The following CCNY variants were observed in gnomAD, a reference collection of about 807,000 sequenced individuals.
CCNY encodes the protein cyclin-Y.
Under a neutral mutation model 42.8 loss-of-function variants are expected in CCNY, and 19 were observed. The observed-to-expected ratio is 0.44, with a 90% CI of 0.31 to 0.65. The LOEUF is 0.65. CCNY is among the 30% of genes least tolerant of loss of function. The pLI, the probability that CCNY is intolerant of heterozygous loss-of-function variation, is 0.07. For missense variants in CCNY, 370 were observed against 437.3 expected (o/e 0.85, Z 1.37); for synonymous variants, 165 against 162.7 (o/e 1.01, Z -0.11).
chr10:35,297,399 T>C (rs1835483620), intron 3 of CCNY, among the ~76,000 whole-genome samples: 1 of 152,074 alleles, frequency 6.6e-6, no homozygotes, highest in Non-Finnish European at 1.5e-5. Context: ...GCCAACATCA[T>C]ACTGACTGGG....
At chr10:35,560,458 CAG>C (rs1327451760) in intron 8 of CCNY, among the ~76,000 whole-genome samples, 2 of 152,146 alleles carry the variant, frequency 1.3e-5, no homozygotes, top group African/African-American at 4.8e-5. Context: ...GATCAGAACA[CAG>C]GGAACAGACA....
intron 1 of CCNY, among the ~76,000 whole-genome samples, chr10:35,380,163 C>G (rs1837148718): frequency 6.6e-6 from 1 of 152,204 alleles, no homozygotes; most frequent in African/African-American, 2.4e-5. Context: ...AGGTACCAGT[C>G]TTAGATCCTC....
intron 1 of CCNY, among the ~76,000 whole-genome samples, chr10:35,388,699 C>G (rs1837347203): frequency 6.6e-6 from 1 of 152,230 alleles, no homozygotes; most frequent in Non-Finnish European, 1.5e-5. Context: ...TTGCTATGCA[C>G]TTTCTGGCTT....
intron 1 of CCNY, among the ~76,000 whole-genome samples, chr10:35,417,585 G>C (rs1180832080): frequency 6.6e-6 from 1 of 152,196 alleles, no homozygotes; most frequent in Non-Finnish European, 1.5e-5. Context: ...CTTAAGAGGT[G>C]TTTATAGACA....
chr10:35,358,421 T>C (rs1314345722), intron 1 of CCNY, among the ~76,000 whole-genome samples: 2 of 152,162 alleles, frequency 1.3e-5, no homozygotes, highest in Admixed American at 6.5e-5. Context: ...ATGTATCTGC[T>C]CTCAAGGATG....
chr10:35,409,219 C>G (rs2135243697), intron 1 of CCNY, among the ~76,000 whole-genome samples: 1 of 152,308 alleles, frequency 6.6e-6, no homozygotes, highest in East Asian at 1.9e-4. Flanking sequence ...CCTTACCAGG[C>G]AGGTCTCGCA....
chr10:35,429,227 T>C (rs560664276), intron 1 of CCNY, among the ~76,000 whole-genome samples: 1 of 152,340 alleles, frequency 6.6e-6, no homozygotes, highest in South Asian at 2.1e-4. Context: ...GGGAACCTAG[T>C]TGTTTTCTCT....
chr10:35,273,262 C>T (rs1835195034), intron 3 of CCNY, among the ~76,000 whole-genome samples: 1 of 151,758 alleles, frequency 6.6e-6, no homozygotes, highest in Non-Finnish European at 1.5e-5. Context: ...AGCGCAGTGG[C>T]ACAACCCTGA....
In CCNY at chr10:35,465,938, A is replaced by AGAGAGTGT; in HGVS notation, c.155-17465_155-17464insAGAGTGTG. Among the ~76,000 whole-genome samples the AGAGAGTGT allele has an allele frequency of 3.4e-3, 275 of 81,012 alleles. 2 individuals carry two copies. The highest frequency in any genetic ancestry group is 0.013 in the Middle Eastern group (2 of 152). 53.1% of individuals were successfully genotyped at this position (81,012 alleles called of 152,430 possible). A position where few individuals can be genotyped will look rare whatever the true frequency, so the allele number is the denominator to read the frequency against. ...GAGAGAGAGAGAGAGAGAGAGAGAG[A>AGAGAGTGT]GTGTGTGTGTGTGTGTGTGTGTCTG... On this transcript the variant is annotated intron_variant, in intron 1 of 9. Coordinates refer to ENST00000374704, the MANE Select transcript of CCNY (RefSeq NM_145012.6).
rs60407989 is a variant in CCNY at position 35,307,760 on chromosome 10, ATGTGTGTGTG to A, written c.-9+57166_-9+57175del. 9.3e-3 allele frequency among the ~76,000 whole-genome samples: 1,076 copies of A among 116,140 alleles called. 15 individuals are homozygous for A. Among genetic ancestry groups the A allele is most frequent in the African/African-American group, 0.019 (560 of 28,928 alleles). 76.2% of individuals were successfully genotyped at this position (116,140 alleles called of 152,430 possible). ...TATATATACATATTGATGTGTATATATGTGTGTGTGTGTGTGTGTGTGTGTGTGTGTGTGT... is the reference window on the plus strand; with the variant it reads ...TATATATACATATTGATGTGTATATATGTGTGTGTGTGTGTGTGTGTGTGT... On this transcript the variant is annotated intron_variant, in intron 3 of 11. Transcript: ENST00000374706.
intron 1 of CCNY, among the ~76,000 whole-genome samples, chr10:35,412,035 C>T (rs144037935): frequency 4.6e-5 from 7 of 152,290 alleles, no homozygotes; most frequent in Non-Finnish European, 8.8e-5. Context: ...GGAGCAGCTC[C>T]TGTGTGGGTC....
intron 1 of CCNY, among the ~76,000 whole-genome samples, chr10:35,370,750 C>CT (rs960179891): frequency 4.0e-5 from 6 of 151,338 alleles, no homozygotes; most frequent in African/African-American, 7.3e-5. Context: ...GAGTCTCGCA[C>CT]TTTCGCCCAG....
intron 3 of CCNY, among the ~76,000 whole-genome samples, chr10:35,296,311 G>T (rs904450304): frequency 6.6e-6 from 1 of 152,222 alleles, no homozygotes; most frequent in African/African-American, 2.4e-5. Flanking sequence ...TGGGAGGGGT[G>T]GCTCACGCCT....
chr10:35,500,035 T>C (rs1322059677), intron 2 of CCNY, among the ~76,000 whole-genome samples: 3 of 152,272 alleles, frequency 2.0e-5, no homozygotes, highest in African/African-American at 7.2e-5. Context: ...GATTCTTCCT[T>C]GGAGTCAGGT....
intron 3 of CCNY, among the ~76,000 whole-genome samples, chr10:35,295,599 C>T (rs1835462754): frequency 6.6e-6 from 1 of 152,140 alleles, no homozygotes; most frequent in African/African-American, 2.4e-5. Flanking sequence ...ACCCCAGCCC[C>T]TGATAACCTC....
chr10:35,512,009 A>G lies in CCNY; in HGVS notation c.265-4514A>G, dbSNP rs548252916. ...GAGTGAGCCTCGAGGCAAGGTGGTT[A>G]CTGTAGTGATACAGGTGAGAGTCCA... On this transcript the variant is annotated intron_variant, in intron 3 of 9. Transcript: ENST00000374704. Among the ~76,000 whole-genome samples the G allele has an allele frequency of 5.3e-5, 8 of 152,326 alleles. No individual in the cohort carries two copies. The South Asian group carries it at 8.3e-4, about 16-fold the overall frequency.
chr10:35,447,225 T>C (rs1197781340), intron 1 of CCNY, among the ~76,000 whole-genome samples: 1 of 152,162 alleles, frequency 6.6e-6, no homozygotes, highest in Non-Finnish European at 1.5e-5. Flanking sequence ...TGCAGTGAGC[T>C]GAGATCGTGC....
intron 5 of CCNY, 33 bp from the exon 6 acceptor site, chr10:35,529,940 G>A: frequency 6.4e-7 from 1 of 1,558,098 alleles, no homozygotes; most frequent in East Asian, 2.2e-5. Context: ...CTTGCAGAAA[G>A]TAAGTTTCAT....
At chr10:35,302,524 T>A (rs556756084) in intron 3 of CCNY, among the ~76,000 whole-genome samples, 34 of 152,112 alleles carry the variant, frequency 2.2e-4, no homozygotes, top group African/African-American at 7.5e-4. Context: ...TTGGCCAGGC[T>A]GGTCTCGAAC....
Sources: allele counts gnomAD v4.1 joint callset (sites outside exome capture counted in the v4.1 genomes callset), GRCh38; gene constraint gnomAD v4.1.1; transcripts MANE v1.5; gene names NCBI Gene and HGNC (gene_info 2026-07-23, HGNC 2026-07-21).